FAT3: variants seen among roughly 807,000 people sequenced by gnomAD.
The protein encoded by FAT3 is protocadherin Fat 3.
FAT3 carries 95 observed loss-of-function variants against 310.2 expected under a neutral mutation model. That is an observed-to-expected ratio of 0.31 (90% CI 0.26 to 0.36). FAT3 has a LOEUF of 0.36. Among genes scored for constraint, FAT3 ranks in the 10% least tolerant of loss-of-function variants. The pLI is 1.00. For synonymous variants in FAT3, 2,314 were observed against 2,192.9 expected, an observed-to-expected ratio of 1.06 and a Z score of -1.54; for missense variants, 5,408 against 5,715.6, an observed-to-expected ratio of 0.95 and a Z score of 1.74.
At chr11:92,442,934 T>G (rs1028103910) in intron 2 of FAT3, among the ~76,000 whole-genome samples, 1 of 152,210 alleles carries the variant, frequency 6.6e-6, no homozygotes, top group African/African-American at 2.4e-5. Context: ...AATATGTTTT[T>G]AATAACAACT....
chr11:92,873,383 C>T (rs898114702), intron 22 of FAT3, among the ~76,000 whole-genome samples: 2 of 152,190 alleles, frequency 1.3e-5, no homozygotes, highest in Admixed American at 1.3e-4. Context: ...ATGCTGACTT[C>T]AGATCCCAGG....
chr11:92,775,745 T>G (rs149906759), intron 7 of FAT3, among the ~76,000 whole-genome samples: 70 of 152,320 alleles, frequency 4.6e-4, no homozygotes, highest in Admixed American at 1.1e-3. Flanking sequence ...TTCTAAAATA[T>G]GAAATTCAGT....
intron 12 of FAT3, among the ~76,000 whole-genome samples, chr11:92,808,825 C>T (rs903436896): frequency 3.3e-5 from 5 of 152,002 alleles, no homozygotes; most frequent in African/African-American, 4.8e-5. Context: ...ACTTGGGAGG[C>T]TGAGGCAGGA....
At chr11:92,419,286 C>G (rs973153616) in intron 2 of FAT3, among the ~76,000 whole-genome samples, 3 of 152,150 alleles carry the variant, frequency 2.0e-5, no homozygotes, top group African/African-American at 7.2e-5. Context: ...TCATGATGTG[C>G]TATGCTCCTA....
chr11:92,753,908 C>G (rs1945899758), intron 4 of FAT3, among the ~76,000 whole-genome samples: 1 of 151,348 alleles, frequency 6.6e-6, no homozygotes, highest in Non-Finnish European at 1.5e-5. Context: ...GAATGGAAAA[C>G]CAAACATTGT....
At chr11:92,685,531 T>C (rs925071414) in intron 3 of FAT3, among the ~76,000 whole-genome samples, 1 of 151,634 alleles carries the variant, frequency 6.6e-6, no homozygotes, top group African/African-American at 2.4e-5. Flanking sequence ...TGTGTGTGTG[T>C]GCACACGCGT....
chr11:92,463,084 T>A (rs1414501113), intron 2 of FAT3, among the ~76,000 whole-genome samples: 1 of 152,228 alleles, frequency 6.6e-6, no homozygotes, highest in Non-Finnish European at 1.5e-5. Flanking sequence ...ACAGCATCAT[T>A]TGATGTGCTT....
intron 1 of FAT3, among the ~76,000 whole-genome samples, chr11:92,338,474 C>T (rs562683929): frequency 3.9e-5 from 6 of 152,098 alleles, no homozygotes; most frequent in East Asian, 1.9e-4. Flanking sequence ...TTTCACAATG[C>T]GGGGCAGGAT....
chr11:92,683,708 T>C (rs1377986642), intron 3 of FAT3, among the ~76,000 whole-genome samples: 3 of 152,222 alleles, frequency 2.0e-5, no homozygotes, highest in Non-Finnish European at 1.5e-5. Context: ...GTACATATGA[T>C]ATTTTAAAAC....
chr11:92,730,252 C>T (rs966909081), intron 4 of FAT3, among the ~76,000 whole-genome samples: 3 of 152,058 alleles, frequency 2.0e-5, no homozygotes, highest in Non-Finnish European at 2.9e-5. Context: ...GAGGGAGGAT[C>T]GCTTGAGCCC....
chr11:92,246,198 GA>G (rs1414566188), intron 1 of FAT3, among the ~76,000 whole-genome samples: 1 of 152,066 alleles, frequency 6.6e-6, no homozygotes, highest in East Asian at 1.9e-4. Context: ...GGCAGTAAAG[GA>G]AAGGGGAGGT....
chr11:92,695,333 T>G (rs2446185), intron 3 of FAT3, among the ~76,000 whole-genome samples: 75,146 of 151,788 alleles, frequency 0.5, 18,894 homozygotes, highest in African/African-American at 0.54. Flanking sequence ...AAAATCCATG[T>G]TTTTTACGTT....
intron 2 of FAT3, among the ~76,000 whole-genome samples, chr11:92,511,814 T>C (rs189778253): frequency 1.7e-3 from 260 of 152,314 alleles, no homozygotes; most frequent in African/African-American, 5.9e-3. Flanking sequence ...TTTGCCTGGT[T>C]CCAGACCAAT....
chr11:92,792,893 G>T lies in FAT3; in HGVS notation c.4738G>T (p.Ala1580Ser). The change falls in exon 9 of 28, where the codon GCT (alanine) becomes TCT (serine). Residue 1580 changes from alanine to serine, a missense_variant. Physicochemically the swap from Ala to Ser is moderately conservative, Grantham distance 99. Transcript: ENST00000525166. ...TGAAGCGTCTGTGTTTGAATCTGCT[G>T]CTCTGGGATCAGCTGTTCTGCAAGT... ...LYEASVFESA[A>S]LGSAVLQVTA... 6.2e-7 allele frequency: 1 copy of T among 1,613,832 alleles called. No individual in the cohort carries two copies. The highest frequency in any genetic ancestry group is 8.5e-7 in the Non-Finnish European group (1 of 1,179,794).
chr11:92,278,909 T>C (rs1021617155), intron 1 of FAT3, among the ~76,000 whole-genome samples: 3 of 152,124 alleles, frequency 2.0e-5, no homozygotes, highest in African/African-American at 7.2e-5. Flanking sequence ...AAGTGTGTGC[T>C]GTTCACTCTG....
intron 1 of FAT3, among the ~76,000 whole-genome samples, chr11:92,256,926 C>G (rs900704307): frequency 6.6e-6 from 1 of 152,084 alleles, no homozygotes; most frequent in African/African-American, 2.4e-5. Context: ...CGTATAATCT[C>G]AGCTGTTGGG....
In FAT3 at chr11:92,479,060, G is replaced by A. The variant is rs571662175; in HGVS notation, c.3293-45574G>A. Among the ~76,000 whole-genome samples the A allele has an allele frequency of 4.0e-5, 6 of 149,646 alleles. No homozygotes were observed. In the East Asian group the frequency reaches 7.9e-4, roughly 20 times the overall value. On this transcript the variant is annotated intron_variant, in intron 2 of 27. Transcript: ENST00000525166. The stretch of plus-strand genomic sequence containing the variant: ...ACTTTTGCCCAGGCTGGAGTGCAGC[G>A]GGGTTATCTTGGTTCATTGCAACCT...
At position 92,882,746 on chromosome 11, in the gene FAT3, A is replaced by G. The variant is rs974822448; in HGVS notation, c.12290A>G (p.Glu4097Gly). ...CTTCTGTGTCGCCGCAGGTGTGAGG[A>G]GGACATCAATGAGTGCGAACGAGAG... ...KAGLTGVTCE[E>G]DINECEREEC... Residue 4097 changes from glutamate (E) to glycine (G), a missense_variant, in exon 24 of 28, where the codon GAG (glutamate) becomes GGG (glycine). Transcript: ENST00000525166. 4 of 1,599,282 alleles carry G rather than the reference A, an allele frequency of 2.5e-6. No individual in the cohort carries two copies. The African/African-American group carries it at 5.4e-5, about 21-fold the overall frequency.
At chr11:92,397,924 CACAT>C (rs913876287) in intron 2 of FAT3, among the ~76,000 whole-genome samples, 12 of 152,096 alleles carry the variant, frequency 7.9e-5, no homozygotes, top group African/African-American at 2.7e-4. Flanking sequence ...CACAAATACA[CACAT>C]ACATACATAC....
Sources: allele counts gnomAD v4.1 joint callset (sites outside exome capture counted in the v4.1 genomes callset), GRCh38; gene constraint gnomAD v4.1.1; transcripts MANE v1.5; gene names NCBI Gene and HGNC (gene_info 2026-07-23, HGNC 2026-07-21).